ZNF804B: variants seen among roughly 807,000 people sequenced by gnomAD.
ZNF804B encodes zinc finger protein 804B.
ZNF804B carries 80 observed loss-of-function variants against 101.4 expected under a neutral mutation model. The ratio of observed to expected loss-of-function variants is 0.79; its 90% CI spans 0.66 to 0.95. The LOEUF is 0.95. Among genes scored for constraint, ZNF804B ranks in the 40% least tolerant of loss-of-function variants. The pLI, the probability that ZNF804B is intolerant of heterozygous loss-of-function variation, is 0.00. For synonymous variants in ZNF804B, 622 were observed against 558.8 expected (o/e 1.11, Z -1.59); for missense variants, 1,673 against 1,561.9 (o/e 1.07, Z -1.20).
intron 1 of ZNF804B, among the ~76,000 whole-genome samples, chr7:89,165,102 T>C (rs1413069471): frequency 6.6e-6 from 1 of 152,130 alleles, no homozygotes; most frequent in Non-Finnish European, 1.5e-5. Flanking sequence ...TGGTCTATCA[T>C]ATTCAGAGCT....
At chr7:89,146,089 C>A (rs915511231) in intron 1 of ZNF804B, among the ~76,000 whole-genome samples, 4 of 151,960 alleles carry the variant, frequency 2.6e-5, no homozygotes, top group African/African-American at 9.7e-5. Context: ...AAGCCATTAT[C>A]CCCTGGAAAC....
chr7:89,049,214 G>T (rs1274953435), intron 1 of ZNF804B, among the ~76,000 whole-genome samples: 1 of 152,046 alleles, frequency 6.6e-6, no homozygotes, highest in African/African-American at 2.4e-5. Context: ...TTAGTACAAG[G>T]TCATTGACAG....
At chr7:89,078,334 A>G (rs1441989885) in intron 1 of ZNF804B, among the ~76,000 whole-genome samples, 1 of 152,096 alleles carries the variant, frequency 6.6e-6, no homozygotes, top group African/African-American at 2.4e-5. Context: ...TTAGCATAGC[A>G]TGTGCTTACT....
intron 2 of ZNF804B, among the ~76,000 whole-genome samples, chr7:89,322,460 T>G (rs986632464): frequency 5.9e-5 from 9 of 152,172 alleles, no homozygotes; most frequent in African/African-American, 2.2e-4. Context: ...AATATTTAGA[T>G]GTTATTGAAA....
chr7:88,829,595 C>T (rs1384341544), intron 1 of ZNF804B, among the ~76,000 whole-genome samples: 1 of 151,772 alleles, frequency 6.6e-6, no homozygotes, highest in African/African-American at 2.4e-5. Context: ...AAGAAAGTCT[C>T]ATATAATAAA....
intron 1 of ZNF804B, among the ~76,000 whole-genome samples, chr7:88,834,609 T>C (rs985156146): frequency 6.6e-6 from 1 of 151,386 alleles, no homozygotes; most frequent in African/African-American, 2.4e-5. Context: ...GTATTATGGG[T>C]TTTTATATTT....
At chr7:89,285,310 C>T (rs11981110) in intron 2 of ZNF804B, among the ~76,000 whole-genome samples, 2,836 of 151,492 alleles carry the variant, frequency 0.019, 102 homozygotes, top group African/African-American at 0.065. Flanking sequence ...ATCATGAGGT[C>T]AGGAGATCGA....
chr7:88,975,819 T>A (rs1793608597), intron 1 of ZNF804B, among the ~76,000 whole-genome samples: 1 of 151,490 alleles, frequency 6.6e-6, no homozygotes, highest in Non-Finnish European at 1.5e-5. Flanking sequence ...GCATACAAAG[T>A]TGAGTAATAC....
rs550558381 is a variant in ZNF804B, at chr7:88,917,814, A to G, written c.108+157730A>G. On this transcript the variant is annotated intron_variant, in intron 1 of 3. Transcript: ENST00000333190. ...GACACCTCTGTTTCCATTCTGTTTT[A>G]GTAGAAGAAAAACGTGAGCAAATTG... 1.1e-3 allele frequency among the ~76,000 whole-genome samples: 164 copies of G among 152,278 alleles called. 1 individual carries two copies. The highest frequency in any genetic ancestry group is 3.6e-3 in the Admixed American group (55 of 15,276).
intron 1 of ZNF804B, among the ~76,000 whole-genome samples, chr7:89,159,813 C>T (rs1002443360): frequency 1.3e-5 from 2 of 152,078 alleles, no homozygotes; most frequent in East Asian, 1.9e-4. Flanking sequence ...GTCCTGCTTT[C>T]GTCTAGGGAA....
At chr7:89,001,644 G>T (rs1411630418) in intron 1 of ZNF804B, among the ~76,000 whole-genome samples, 2 of 151,860 alleles carry the variant, frequency 1.3e-5, no homozygotes, top group African/African-American at 2.4e-5. Context: ...AAAATATGAA[G>T]ATGAGGCTTT....
At chr7:89,190,609 G>A (rs1400993844) in intron 1 of ZNF804B, among the ~76,000 whole-genome samples, 1 of 152,140 alleles carries the variant, frequency 6.6e-6, no homozygotes, top group Non-Finnish European at 1.5e-5. Flanking sequence ...AAATTCGAAA[G>A]AAGTTCTACT....
chr7:88,826,104 T>A (rs964014068), intron 1 of ZNF804B, among the ~76,000 whole-genome samples: 6 of 152,172 alleles, frequency 3.9e-5, no homozygotes, highest in Admixed American at 3.9e-4. Context: ...AAACGAATTA[T>A]GTTGAAAAAG....
At chr7:88,931,435 A>G (rs1792883721) in intron 1 of ZNF804B, among the ~76,000 whole-genome samples, 2 of 151,910 alleles carry the variant, frequency 1.3e-5, no homozygotes, top group African/African-American at 4.8e-5. Flanking sequence ...AGCATTATTT[A>G]CATAAGGATA....
At chr7:88,788,538 G>A (rs1407036438) in intron 1 of ZNF804B, among the ~76,000 whole-genome samples, 1 of 152,058 alleles carries the variant, frequency 6.6e-6, no homozygotes, top group East Asian at 1.9e-4. Flanking sequence ...TTTTTTCATA[G>A]CACATGAAAC....
At chr7:89,309,703 T>C (rs1672702297) in intron 2 of ZNF804B, among the ~76,000 whole-genome samples, 1 of 131,820 alleles carries the variant, frequency 7.6e-6, no homozygotes, top group Non-Finnish European at 1.5e-5. Flanking sequence ...GAGGTTACAA[T>C]GAGCCGAGAT....
At chr7:89,197,940 A>G (rs1788579898) in intron 1 of ZNF804B, among the ~76,000 whole-genome samples, 1 of 151,844 alleles carries the variant, frequency 6.6e-6, no homozygotes, top group Non-Finnish European at 1.5e-5. Flanking sequence ...AAGTTATTTA[A>G]ATAATGACAC....
intron 1 of ZNF804B, among the ~76,000 whole-genome samples, chr7:88,762,988 C>T (rs1789921850): frequency 6.6e-6 from 1 of 152,134 alleles, no homozygotes; most frequent in South Asian, 2.1e-4. Flanking sequence ...GTTAAGACTA[C>T]TTTCTACCTC....
rs535764521 is a variant in ZNF804B, at chr7:88,796,401, A to C, written c.108+36317A>C. Among the ~76,000 whole-genome samples the C allele has an allele frequency of 1.6e-4, 25 of 152,216 alleles. No individual in the cohort carries two copies. In the South Asian group the frequency reaches 5.2e-3, roughly 32 times the overall value. On this transcript the variant is annotated intron_variant, in intron 1 of 3. Coordinates refer to ENST00000333190, the MANE Select transcript of ZNF804B (RefSeq NM_181646.5). ...ACATAAAAATGGACTATTCTTCCTC[A>C]TTGTGATTCACTTTATCACTCCCTG...
Sources: allele counts gnomAD v4.1 joint callset (sites outside exome capture counted in the v4.1 genomes callset), GRCh38; gene constraint gnomAD v4.1.1; transcripts MANE v1.5; gene names NCBI Gene and HGNC (gene_info 2026-07-23, HGNC 2026-07-21).